Variants in FHL2 observed in about 807,000 individuals in gnomAD.
FHL2 encodes the protein four and a half LIM domains protein 2.
A neutral mutation model predicts 32.7 loss-of-function variants in FHL2; 20 were observed. The observed-to-expected ratio is 0.61, with a 90% confidence interval of 0.43 to 0.89. The LOEUF is 0.89. Among genes scored for constraint, FHL2 ranks in the 40% least tolerant of loss-of-function variants. FHL2 has a pLI of 0.00. For missense variants in FHL2, 311 were observed against 358.6 expected, an observed-to-expected ratio of 0.87 and a Z score of 1.07; for synonymous variants, 123 against 128.1, an observed-to-expected ratio of 0.96 and a Z score of 0.27.
At chr2:105,373,757 C>T (rs1681267105) in intron 3 of FHL2, 24 bp from the exon 4 acceptor site, 1 of 1,612,630 alleles carries the variant, frequency 6.2e-7, no homozygotes, top group East Asian at 2.2e-5. Context: ...CCACACAAGA[C>T]AGTCAGAGGC....
intron 1 of FHL2, among the ~76,000 whole-genome samples, chr2:105,424,350 T>C (rs1004541943): frequency 1.3e-5 from 2 of 152,168 alleles, no homozygotes; most frequent in Non-Finnish European, 2.9e-5. Context: ...CCAGTTAGAA[T>C]GCTGATCATT....
At chr2:105,364,393 A>AT (rs1193059854) in intron 5 of FHL2, among the ~76,000 whole-genome samples, 3 of 152,376 alleles carry the variant, frequency 2.0e-5, no homozygotes, top group African/African-American at 7.2e-5. Flanking sequence ...GCACCTGCTG[A>AT]TGCCACAAGA....
intron 1 of FHL2, 108 bp from the exon 2 acceptor site, chr2:105,396,805 T>C: frequency 1.0e-6 from 1 of 967,486 alleles, no homozygotes. Flanking sequence ...GATCAAATTC[T>C]CATAATAAAA....
intron 2 of FHL2, among the ~76,000 whole-genome samples, chr2:105,388,411 C>T (rs960801243): frequency 6.6e-6 from 1 of 152,082 alleles, no homozygotes; most frequent in South Asian, 2.1e-4. Flanking sequence ...AAAAGCCTAC[C>T]ACAGGAATAG....
At position 105,430,986 on chromosome 2, in the gene FHL2, G is replaced by T. The variant is rs552445418; in HGVS notation, c.-25+7413C>A. ...ATGGACAGTTTTCTCTTTGATCTTTGGGTCTTCCTTTCTCAAGCCTCCCAT... is the reference window on the plus strand; with the variant it reads ...ATGGACAGTTTTCTCTTTGATCTTTTGGTCTTCCTTTCTCAAGCCTCCCAT... On this transcript the variant is annotated intron_variant, in intron 1 of 5. Transcript: ENST00000393352. 1.3e-3 allele frequency among the ~76,000 whole-genome samples: 205 copies of T among 152,244 alleles called. 1 individual carries two copies. Among genetic ancestry groups the T allele is most frequent in the African/African-American group, 4.9e-3 (202 of 41,530 alleles).
intron 1 of FHL2, among the ~76,000 whole-genome samples, chr2:105,411,142 C>G (rs903527930): frequency 2.0e-5 from 3 of 152,192 alleles, no homozygotes; most frequent in African/African-American, 7.2e-5. Context: ...TAACCACCAT[C>G]GCTCTAATCC....
chr2:105,398,782 A>C, intron 1 of FHL2, 60 bp downstream of exon 1: 1 of 1,293,672 alleles, frequency 7.7e-7, no homozygotes, highest in Non-Finnish European at 1.0e-6. Context: ...TTCTCCCCGC[A>C]CGGTTCGGGT....
At chr2:105,359,952 A>G (rs537372626), downstream of FHL2, 1 of 152,214 alleles carries the variant, frequency 6.6e-6, no homozygotes, top group Non-Finnish European at 1.5e-5. Context: ...CTTCACTGTC[A>G]GTTTATGTTA....
At chr2:105,384,029 T>C (rs1357542018) in intron 3 of FHL2, among the ~76,000 whole-genome samples, 1 of 152,202 alleles carries the variant, frequency 6.6e-6, no homozygotes, top group Non-Finnish European at 1.5e-5. Flanking sequence ...AAAACATGCG[T>C]GGAAGGATGA....
chr2:105,395,720 A>G (rs936403332), intron 2 of FHL2, among the ~76,000 whole-genome samples: 1 of 152,224 alleles, frequency 6.6e-6, no homozygotes, highest in Non-Finnish European at 1.5e-5. Context: ...CCATATTTAC[A>G]TACTGCAAGG....
intron 1 of FHL2, among the ~76,000 whole-genome samples, chr2:105,415,205 C>T (rs1377734772): frequency 6.6e-6 from 1 of 152,230 alleles, no homozygotes; most frequent in Non-Finnish European, 1.5e-5. Context: ...AAATCTCACT[C>T]TCTGGGACAA....
chr2:105,383,798 G>A (rs532005916), intron 3 of FHL2, among the ~76,000 whole-genome samples: 51 of 152,184 alleles, frequency 3.4e-4, no homozygotes, highest in Non-Finnish European at 6.0e-4. Context: ...ATTTTTGAAA[G>A]TCAAGAAAAG....
At chr2:105,373,230 G>A (rs1681222074) in intron 4 of FHL2, among the ~76,000 whole-genome samples, 1 of 152,232 alleles carries the variant, frequency 6.6e-6, no homozygotes, top group African/African-American at 2.4e-5. Flanking sequence ...TAGAAGGGAA[G>A]AAAAGAGAAA....
intron 1 of FHL2, among the ~76,000 whole-genome samples, chr2:105,408,084 T>C (rs1573389187): frequency 6.6e-6 from 1 of 152,192 alleles, no homozygotes; most frequent in African/African-American, 2.4e-5. Flanking sequence ...TGAGCATGTC[T>C]CATTTGTGGA....
intron 1 of FHL2, 185 bp from the exon 2 acceptor site, chr2:105,396,882 G>A (rs1024483713): frequency 1.7e-6 from 1 of 596,196 alleles, no homozygotes; most frequent in East Asian, 2.8e-5. Context: ...GTACCTCAGG[G>A]CATCTGAGTC....
intron 1 of FHL2, among the ~76,000 whole-genome samples, chr2:105,433,992 T>C (rs890319989): frequency 6.6e-6 from 1 of 152,108 alleles, no homozygotes; most frequent in South Asian, 2.1e-4. Flanking sequence ...ATTTAGCATA[T>C]TTTCTGGTAC....
intron 1 of FHL2, among the ~76,000 whole-genome samples, chr2:105,421,718 G>A (rs1231157094): frequency 2.6e-5 from 4 of 152,118 alleles, no homozygotes; most frequent in African/African-American, 9.7e-5. Context: ...TTATACTATG[G>A]CTTGCATTGA....
upstream of FHL2, chr2:105,399,331 G>C: frequency 6.5e-7 from 1 of 1,535,898 alleles, no homozygotes; most frequent in Non-Finnish European, 8.7e-7. Flanking sequence ...TTCGGACGAG[G>C]CCTGGGCGCG....
intron 6 of FHL2, among the ~76,000 whole-genome samples, chr2:105,361,971 A>G (rs545464698): frequency 6.6e-6 from 1 of 152,356 alleles, no homozygotes; most frequent in East Asian, 1.9e-4. Flanking sequence ...ATAGAATGGA[A>G]TCAAATATTT....
Sources: allele counts gnomAD v4.1 joint callset (sites outside exome capture counted in the v4.1 genomes callset), GRCh38; gene constraint gnomAD v4.1.1; transcripts MANE v1.5; gene names NCBI Gene and HGNC (gene_info 2026-07-23, HGNC 2026-07-21).